RAB3C: variants seen among roughly 807,000 people sequenced by gnomAD.
RAB3C encodes ras-related protein Rab-3C.
A neutral mutation model predicts 26.4 loss-of-function variants in RAB3C; 17 were observed. That is an observed-to-expected ratio of 0.64 (90% CI 0.44 to 0.97). The LOEUF (loss-of-function observed/expected upper bound fraction) is 0.97. Ranked by LOEUF, RAB3C falls within the 50% of genes least tolerant of loss-of-function variation. The pLI is 0.00. For missense variants in RAB3C, 242 were observed against 281.9 expected (o/e 0.86, Z 1.01); for synonymous variants, 91 against 95.9 (o/e 0.95, Z 0.30).
intron 3 of RAB3C, among the ~76,000 whole-genome samples, chr5:58,737,132 G>T (rs1421205367): frequency 6.6e-6 from 1 of 151,656 alleles, no homozygotes; most frequent in Non-Finnish European, 1.5e-5. Flanking sequence ...TAGCCACACC[G>T]GCTTCTTTGC....
intron 4 of RAB3C, among the ~76,000 whole-genome samples, chr5:58,841,562 C>T (rs530455896): frequency 6.6e-6 from 1 of 152,206 alleles, no homozygotes; most frequent in South Asian, 2.1e-4. Context: ...ATGGGGAGTG[C>T]AAACCTTGTG....
intron 1 of RAB3C, among the ~76,000 whole-genome samples, chr5:58,606,995 G>A (rs554118000): frequency 4.2e-4 from 64 of 152,254 alleles, no homozygotes; most frequent in South Asian, 1.0e-3. Flanking sequence ...AAAAACCAGC[G>A]CGCCTCTTCT....
chr5:58,697,042 T>G (rs775843161), intron 2 of RAB3C, among the ~76,000 whole-genome samples: 28 of 152,246 alleles, frequency 1.8e-4, no homozygotes, highest in Non-Finnish European at 3.8e-4. Flanking sequence ...TCTTTCCTGC[T>G]GTCTCTTGTG....
At chr5:58,592,823 G>A (rs1167602819) in intron 1 of RAB3C, among the ~76,000 whole-genome samples, 1 of 151,834 alleles carries the variant, frequency 6.6e-6, no homozygotes, top group Non-Finnish European at 1.5e-5. Context: ...TCATCTGACT[G>A]TTTTCAAGAT....
At chr5:58,621,501 A>C (rs557520007) in intron 2 of RAB3C, among the ~76,000 whole-genome samples, 13 of 152,310 alleles carry the variant, frequency 8.5e-5, no homozygotes, top group African/African-American at 2.9e-4. Context: ...ATAAATCTCA[A>C]CCTGGTTGTC....
intron 2 of RAB3C, among the ~76,000 whole-genome samples, chr5:58,646,334 G>T (rs1372651819): frequency 6.6e-6 from 1 of 151,840 alleles, no homozygotes; most frequent in Non-Finnish European, 1.5e-5. Context: ...TTAATGCTCG[G>T]CACAGTGCCT....
At chr5:58,791,240 T>G (rs1317122545) in intron 3 of RAB3C, among the ~76,000 whole-genome samples, 1 of 152,164 alleles carries the variant, frequency 6.6e-6, no homozygotes, top group Admixed American at 6.6e-5. Context: ...GGACCCAGGC[T>G]TGAACTAAGT....
At chr5:58,793,190 C>A (rs1378476325) in intron 3 of RAB3C, among the ~76,000 whole-genome samples, 1 of 152,078 alleles carries the variant, frequency 6.6e-6, no homozygotes, top group African/African-American at 2.4e-5. Flanking sequence ...AACTGTACAG[C>A]CTGTGGATAC....
intron 1 of RAB3C, among the ~76,000 whole-genome samples, chr5:58,605,252 T>A (rs1746535185): frequency 6.6e-6 from 1 of 152,064 alleles, no homozygotes; most frequent in African/African-American, 2.4e-5. Flanking sequence ...TTGCGGTCAA[T>A]CTGGAGCTAA....
chr5:58,626,384 T>A (rs1022729669), intron 2 of RAB3C, among the ~76,000 whole-genome samples: 1 of 152,188 alleles, frequency 6.6e-6, no homozygotes, highest in African/African-American at 2.4e-5. Context: ...GTAATCTTCA[T>A]AAATTTACCA....
At chr5:58,726,595 C>T (rs1361633886) in intron 3 of RAB3C, among the ~76,000 whole-genome samples, 1 of 151,850 alleles carries the variant, frequency 6.6e-6, no homozygotes, top group Non-Finnish European at 1.5e-5. Flanking sequence ...CAACAGAAAC[C>T]ATATTGCCGG....
intron 1 of RAB3C, among the ~76,000 whole-genome samples, chr5:58,612,518 GTGTATATATATATATATATATATATATA>G (rs1446975350): frequency 2.5e-5 from 1 of 40,584 alleles, no homozygotes; most frequent in African/African-American, 7.9e-5. Flanking sequence ...GTGTGTGTGT[GTGTATATATATATATATATATATATATA>G]TGTATATATA....
chr5:58,720,161 A>G (rs1198167313), intron 2 of RAB3C, among the ~76,000 whole-genome samples: 1 of 151,922 alleles, frequency 6.6e-6, no homozygotes, highest in Non-Finnish European at 1.5e-5. Flanking sequence ...AAATGGTGAT[A>G]TTACTTGAGT....
intron 2 of RAB3C, among the ~76,000 whole-genome samples, chr5:58,723,741 T>C (rs1038321889): frequency 1.3e-5 from 2 of 151,782 alleles, no homozygotes; most frequent in African/African-American, 4.8e-5. Flanking sequence ...TAGTTTTGCC[T>C]CCAAGGCCTG....
intron 4 of RAB3C, among the ~76,000 whole-genome samples, chr5:58,838,034 G>GT (rs1421425357): frequency 1.3e-5 from 2 of 151,980 alleles, no homozygotes; most frequent in Non-Finnish European, 2.9e-5. Context: ...GTCTTATCTC[G>GT]TTTTTTCTTC....
Position 58,853,599 on chromosome 5 carries a change from T to C in RAB3C, c.*2248T>C, listed in dbSNP as rs295674. The stretch of plus-strand genomic sequence containing the variant: ...CTGTTGAAGTTAATTGGCCCTTAGA[T>C]GGGAAGCCCTAAGCCAAGCTCCCAC... On this transcript the variant is annotated 3_prime_UTR_variant, in exon 5 of 5. Transcript: ENST00000282878. 118,665 of 152,056 alleles carry C rather than the reference T, an allele frequency of 0.78. 46,944 individuals are homozygous for C. Among genetic ancestry groups the C allele is most frequent in the Middle Eastern group, 0.93 (274 of 294 alleles). The allele number at this position is 152,056 out of a possible 1,614,324, so 9.4% of individuals were successfully genotyped here.
chr5:58,750,664 T>G (rs1741502121), intron 3 of RAB3C, among the ~76,000 whole-genome samples: 1 of 152,254 alleles, frequency 6.6e-6, no homozygotes, highest in Non-Finnish European at 1.5e-5. Context: ...AGATTCTTTC[T>G]ATATATGTAG....
Position 58,739,624 on chromosome 5 carries a change from T to A in RAB3C, c.371+13504T>A, listed in dbSNP as rs555296038. On this transcript the variant is annotated intron_variant, in intron 3 of 4. Coordinates refer to ENST00000282878, the MANE Select transcript of RAB3C (RefSeq NM_138453.4). Reference sequence around the variant, plus strand: ...AGAAGATAGGTCATGGTATATGATGTCTGATTCTGTTCATGTTAGACAGAG... The same window carrying A: ...AGAAGATAGGTCATGGTATATGATGACTGATTCTGTTCATGTTAGACAGAG... 5.3e-5 allele frequency among the ~76,000 whole-genome samples: 8 copies of A among 152,330 alleles called. No individual in the cohort carries two copies. In the South Asian group the frequency reaches 1.7e-3, roughly 32 times the overall value.
Position 58,770,596 on chromosome 5 carries a change from G to A in RAB3C, c.371+44476G>A, listed in dbSNP as rs1384037791. On this transcript the variant is annotated intron_variant, in intron 3 of 4. Transcript: ENST00000282878. ...GAGTTTCTAAAATATAAACTTCCCTGAACTTGTTATAAGAAAATATGTTTA... is the reference window on the plus strand; with the variant it reads ...GAGTTTCTAAAATATAAACTTCCCTAAACTTGTTATAAGAAAATATGTTTA... 3.3e-5 allele frequency among the ~76,000 whole-genome samples: 5 copies of A among 152,082 alleles called. No individual in the cohort carries two copies. The East Asian group carries it at 7.7e-4, about 23-fold the overall frequency.
Sources: gnomAD v4.1 joint callset for allele counts (sites outside exome capture counted in the v4.1 genomes callset) on GRCh38, gnomAD v4.1.1 for gene constraint, MANE v1.5 for transcripts, NCBI Gene and HGNC (gene_info 2026-07-23, HGNC 2026-07-21) for gene names.